Variants in JAZF1 observed in about 807,000 individuals in gnomAD.
The protein encoded by JAZF1 is JAZF zinc finger 1.
In JAZF1, 8 loss-of-function variants were observed where a neutral mutation model predicts 26.4. That is an observed-to-expected ratio of 0.30 (90% confidence interval 0.18 to 0.55). JAZF1 has a LOEUF of 0.55. Among genes scored for constraint, JAZF1 ranks in the 20% least tolerant of loss-of-function variants. The pLI is 0.94. For missense variants in JAZF1, 199 were observed against 322.0 expected (o/e 0.62, Z 2.92); for synonymous variants, 126 against 122.3 (o/e 1.03, Z -0.20).
chr7:28,160,454 G>A (rs1213867670), intron 1 of JAZF1, among the ~76,000 whole-genome samples: 1 of 152,096 alleles, frequency 6.6e-6, no homozygotes, highest in African/African-American at 2.4e-5. Context: ...TGCACCCCCA[G>A]CACTTACAGA....
At chr7:28,138,506 C>T (rs940292133) in intron 1 of JAZF1, among the ~76,000 whole-genome samples, 2 of 152,184 alleles carry the variant, frequency 1.3e-5, no homozygotes, top group Non-Finnish European at 2.9e-5. Context: ...TTCTGATTCT[C>T]AGAATGCTTC....
At chr7:27,990,883 T>C (rs912777062) in intron 2 of JAZF1, among the ~76,000 whole-genome samples, 2 of 152,178 alleles carry the variant, frequency 1.3e-5, no homozygotes, top group African/African-American at 4.8e-5. Flanking sequence ...ATATTCCATC[T>C]CACTTCTTGG....
intron 1 of JAZF1, among the ~76,000 whole-genome samples, chr7:28,106,183 G>A (rs772307988): frequency 1.1e-4 from 17 of 152,130 alleles, no homozygotes; most frequent in South Asian, 4.1e-4. Flanking sequence ...CAGACCAAAG[G>A]ATTACAAATA....
At chr7:28,023,801 T>G (rs1783045574) in intron 1 of JAZF1, among the ~76,000 whole-genome samples, 1 of 152,186 alleles carries the variant, frequency 6.6e-6, no homozygotes, top group South Asian at 2.1e-4. Context: ...GACAGCCCAA[T>G]GTAATAAATG....
intron 1 of JAZF1, among the ~76,000 whole-genome samples, chr7:28,033,806 G>T (rs962982675): frequency 1.3e-5 from 2 of 152,102 alleles, no homozygotes; most frequent in African/African-American, 2.4e-5. Context: ...GCAGAGACAC[G>T]ATCTCGGCTC....
intron 1 of JAZF1, among the ~76,000 whole-genome samples, chr7:28,052,220 C>T (rs1314983189): frequency 6.6e-6 from 1 of 152,132 alleles, no homozygotes; most frequent in African/African-American, 2.4e-5. Context: ...ATTAGACCAC[C>T]TTTTGTTACA....
chr7:28,175,811 G>A (rs769857096), intron 1 of JAZF1, among the ~76,000 whole-genome samples: 3 of 152,178 alleles, frequency 2.0e-5, no homozygotes, highest in Non-Finnish European at 4.4e-5. Flanking sequence ...CATCAGCCAC[G>A]AAAGCTCAGG....
In JAZF1 at chr7:28,011,841, G is replaced by A. The variant is rs548157632; in HGVS notation, c.116-19860C>T. ...ATATTCATGTCCTCAGATTTATGTCGACCATATATTGCCTAGATGTGTCTC... is the reference window on the plus strand; with the variant it reads ...ATATTCATGTCCTCAGATTTATGTCAACCATATATTGCCTAGATGTGTCTC... On this transcript the variant is annotated intron_variant, in intron 1 of 4. Coordinates refer to ENST00000283928, the MANE Select transcript of JAZF1 (RefSeq NM_175061.4). 6.6e-5 allele frequency among the ~76,000 whole-genome samples: 10 copies of A among 152,024 alleles called. 1 individual carries two copies. The South Asian group carries it at 1.9e-3, about 28-fold the overall frequency.
chr7:27,871,251 C>T (rs1282988098), intron 3 of JAZF1, among the ~76,000 whole-genome samples: 3 of 152,222 alleles, frequency 2.0e-5, no homozygotes, highest in African/African-American at 4.8e-5. Flanking sequence ...TAGAGACATA[C>T]AGGTCAACCT....
intron 1 of JAZF1, among the ~76,000 whole-genome samples, chr7:28,043,023 T>C (rs530928475): frequency 1.3e-5 from 2 of 152,306 alleles, no homozygotes; most frequent in East Asian, 1.9e-4. Context: ...TGCTGTACTA[T>C]GATCCTGCAA....
chr7:28,048,374 A>G (rs933431403), intron 1 of JAZF1, among the ~76,000 whole-genome samples: 1 of 152,174 alleles, frequency 6.6e-6, no homozygotes, highest in Non-Finnish European at 1.5e-5. Flanking sequence ...CTGGACTTAC[A>G]GCTATTACTT....
chr7:28,006,468 T>C (rs1340645897), intron 1 of JAZF1, among the ~76,000 whole-genome samples: 1 of 152,216 alleles, frequency 6.6e-6, no homozygotes, highest in Admixed American at 6.5e-5. Context: ...AGTGCTTGCG[T>C]TGTGGGACTA....
intron 3 of JAZF1, among the ~76,000 whole-genome samples, chr7:27,856,598 T>C (rs535991277): frequency 3.9e-5 from 6 of 152,324 alleles, no homozygotes; most frequent in East Asian, 1.9e-4. Context: ...AGGGTGCTGA[T>C]TGGTGCGTTT....
intron 2 of JAZF1, among the ~76,000 whole-genome samples, chr7:27,918,013 A>G (rs752879100): frequency 3.9e-5 from 6 of 152,184 alleles, no homozygotes; most frequent in Non-Finnish European, 8.8e-5. Context: ...GATGAACTAC[A>G]GTGGCACTTC....
intron 1 of JAZF1, among the ~76,000 whole-genome samples, chr7:28,176,094 G>A (rs1030924766): frequency 2.6e-5 from 4 of 152,178 alleles, no homozygotes; most frequent in African/African-American, 9.7e-5. Context: ...GGGTTTTGGA[G>A]ATGAGGAAAC....
intron 2 of JAZF1, among the ~76,000 whole-genome samples, chr7:27,936,066 A>G (rs1784759550): frequency 6.6e-6 from 1 of 152,218 alleles, no homozygotes; most frequent in African/African-American, 2.4e-5. Flanking sequence ...CGAAACAAGA[A>G]CAGCTGCAAG....
intron 4 of JAZF1, 187 bp from the exon 5 acceptor site, chr7:27,833,163 T>C: frequency 2.6e-6 from 1 of 383,124 alleles, no homozygotes; most frequent in Non-Finnish European, 4.6e-6. Context: ...GTACGGATGG[T>C]CACACACACA....
chr7:27,899,148 C>G (rs536337640), intron 2 of JAZF1, among the ~76,000 whole-genome samples: 1 of 152,338 alleles, frequency 6.6e-6, no homozygotes, highest in African/African-American at 2.4e-5. Flanking sequence ...GAGCAATGTT[C>G]CATCAGCACA....
At chr7:27,917,381 T>C (rs1376619663) in intron 2 of JAZF1, among the ~76,000 whole-genome samples, 1 of 152,186 alleles carries the variant, frequency 6.6e-6, no homozygotes, top group Non-Finnish European at 1.5e-5. Flanking sequence ...TATCACAATA[T>C]TGTTTACATC....
Sources: allele counts gnomAD v4.1 joint callset (sites outside exome capture counted in the v4.1 genomes callset), GRCh38; gene constraint gnomAD v4.1.1; transcripts MANE v1.5; gene names NCBI Gene and HGNC (gene_info 2026-07-23, HGNC 2026-07-21).